The following TANC2 variants were observed in gnomAD, a reference collection of about 807,000 sequenced individuals.
The protein encoded by TANC2 is tetratricopeptide repeat, ankyrin repeat and coiled-coil containing 2, also known as protein TANC2.
Under a neutral mutation model 210.5 loss-of-function variants are expected in TANC2, and 26 were observed. That is an observed-to-expected ratio of 0.12 (90% confidence interval 0.09 to 0.17). TANC2 has a LOEUF of 0.17. TANC2 is among the 10% of genes least tolerant of loss of function. The pLI is 1.00. For missense variants in TANC2, 2,129 were observed against 2,608.9 expected, an observed-to-expected ratio of 0.82 and a Z score of 4.01; for synonymous variants, 931 against 967.1, an observed-to-expected ratio of 0.96 and a Z score of 0.69.
intron 3 of TANC2, among the ~76,000 whole-genome samples, chr17:63,076,270 C>A (rs2036569032): frequency 6.6e-6 from 1 of 152,098 alleles, no homozygotes; most frequent in Admixed American, 6.5e-5. Context: ...CTGGGAGACA[C>A]CAGGCATAGT....
intron 7 of TANC2, among the ~76,000 whole-genome samples, chr17:63,220,713 A>ATATATATATATATATATATAT (rs1302451440): frequency 2.6e-4 from 36 of 140,540 alleles, no homozygotes; most frequent in Non-Finnish European, 4.9e-4. Context: ...CAAAAAAAAA[A>ATATATATATATATATATATAT]AAAAAAATAT....
intron 5 of TANC2, among the ~76,000 whole-genome samples, chr17:63,169,867 C>T (rs1342115874): frequency 6.6e-6 from 1 of 152,006 alleles, no homozygotes; most frequent in Admixed American, 6.5e-5. Flanking sequence ...TGCGGAGGCT[C>T]ACGCCTGTAA....
At chr17:63,187,053 C>G (rs2041014158) in intron 5 of TANC2, among the ~76,000 whole-genome samples, 1 of 152,132 alleles carries the variant, frequency 6.6e-6, no homozygotes, top group Admixed American at 6.5e-5. Flanking sequence ...CTTCATATCA[C>G]CTGGATGGTC....
rs2045143891 is a variant in TANC2, at chr17:63,312,067, A to T, written c.1160-2321A>T. Among the ~76,000 whole-genome samples, 2 of 152,200 alleles carry T rather than the reference A, an allele frequency of 1.3e-5. 1 individual carries two copies. Among genetic ancestry groups the T allele is most frequent in the South Asian group, 4.1e-4 (2 of 4,828 alleles). ...AAAAACCACTGAATTGTATATTTTA[A>T]AAGAGTGAATTTTATGGTTTGTGAA... On this transcript the variant is annotated intron_variant, in intron 9 of 27. Transcript: ENST00000689528.
At chr17:63,388,822 A>C (rs2147146772) in intron 16 of TANC2, 65 bp downstream of exon 16, 1 of 1,244,872 alleles carries the variant, frequency 8.0e-7, no homozygotes, top group Non-Finnish European at 1.1e-6. Flanking sequence ...AACTAGAAGG[A>C]CATTAAGTAG....
At chr17:63,272,522 T>G (rs2043742910) in intron 9 of TANC2, among the ~76,000 whole-genome samples, 1 of 152,196 alleles carries the variant, frequency 6.6e-6, no homozygotes. Flanking sequence ...AAGAATAACA[T>G]TGAATCTTAC....
intron 7 of TANC2, among the ~76,000 whole-genome samples, chr17:63,234,079 A>C (rs186998427): frequency 4.5e-4 from 69 of 152,330 alleles, no homozygotes; most frequent in South Asian, 1.2e-3. Context: ...CTTGACCATT[A>C]TTGAAGATGC....
chr17:63,319,197 C>G, intron 11 of TANC2, 107 bp downstream of exon 11: 1 of 1,148,988 alleles, frequency 8.7e-7, no homozygotes, highest in Non-Finnish European at 1.2e-6. Context: ...TAAAGCTATA[C>G]CATGAGAACG....
intron 3 of TANC2, among the ~76,000 whole-genome samples, chr17:63,093,919 A>G (rs918319638): frequency 1.3e-5 from 2 of 151,994 alleles, no homozygotes; most frequent in Non-Finnish European, 2.9e-5. Flanking sequence ...TCCTGACTCT[A>G]TTTAGGTTTC....
Position 63,389,301 on chromosome 17 carries a change from T to C in TANC2, c.2815-7T>C, listed in dbSNP as rs754356107. 5.2e-5 allele frequency: 83 copies of C among 1,607,144 alleles called. No homozygotes were observed. The highest frequency in any genetic ancestry group is 6.5e-5 in the Non-Finnish European group (76 of 1,174,658). Reference sequence around the variant, plus strand: ...TCTAATTATTAGTTCTGTTTGTTTATTTCTAGGTCAGCCGACTGCTGATTT... The same window carrying C: ...TCTAATTATTAGTTCTGTTTGTTTACTTCTAGGTCAGCCGACTGCTGATTT... On this transcript the variant is annotated splice_region_variant and splice_polypyrimidine_tract_variant and intron_variant, in intron 16 of 27. Transcript: ENST00000689528.
intron 4 of TANC2, among the ~76,000 whole-genome samples, chr17:63,143,258 A>G (rs557574701): frequency 1.4e-3 from 214 of 152,324 alleles, no homozygotes; most frequent in South Asian, 5.8e-3. Flanking sequence ...AAGTATCCCA[A>G]TACTCTCAGA....
intron 4 of TANC2, among the ~76,000 whole-genome samples, chr17:63,124,481 T>C (rs994596372): frequency 3.3e-5 from 5 of 152,190 alleles, no homozygotes; most frequent in Admixed American, 2.6e-4. Flanking sequence ...TTAGCTGCAG[T>C]GGTCTACATT....
chr17:63,224,066 T>G (rs1186917846), intron 7 of TANC2, among the ~76,000 whole-genome samples: 1 of 152,084 alleles, frequency 6.6e-6, no homozygotes, highest in Non-Finnish European at 1.5e-5. Flanking sequence ...GTGAACTAAT[T>G]TAGATCTGAA....
intron 7 of TANC2, among the ~76,000 whole-genome samples, chr17:63,222,744 C>CACAT (rs1555610201): frequency 1.3e-5 from 2 of 151,996 alleles, no homozygotes; most frequent in African/African-American, 4.8e-5. Context: ...CACACACACA[C>CACAT]ACACATACAC....
At chr17:63,064,000 A>T (rs1370077849) in intron 2 of TANC2, among the ~76,000 whole-genome samples, 1 of 152,162 alleles carries the variant, frequency 6.6e-6, no homozygotes, top group Non-Finnish European at 1.5e-5. Flanking sequence ...TCTTCAATAT[A>T]TATATGGACA....
At chr17:63,235,278 T>C (rs1355637328) in intron 7 of TANC2, among the ~76,000 whole-genome samples, 2 of 152,174 alleles carry the variant, frequency 1.3e-5, no homozygotes, top group Non-Finnish European at 2.9e-5. Flanking sequence ...TTCTCTGCTT[T>C]CTTTTTGTTA....
intron 8 of TANC2, among the ~76,000 whole-genome samples, chr17:63,248,221 A>G (rs2042967769): frequency 6.6e-6 from 1 of 152,110 alleles, no homozygotes; most frequent in Non-Finnish European, 1.5e-5. Flanking sequence ...TAATGGGTAC[A>G]TAGAAGTGGT....
intron 7 of TANC2, among the ~76,000 whole-genome samples, chr17:63,223,305 C>T (rs2145949892): frequency 6.6e-6 from 1 of 152,238 alleles, no homozygotes; most frequent in African/African-American, 2.4e-5. Context: ...AGAAAGAGTT[C>T]AAGAGTGAGC....
intron 9 of TANC2, among the ~76,000 whole-genome samples, chr17:63,295,966 C>G (rs2044523280): frequency 6.6e-6 from 1 of 152,100 alleles, no homozygotes; most frequent in Non-Finnish European, 1.5e-5. Flanking sequence ...GCCAGCTGAT[C>G]TTTCTATTTC....
Sources: allele counts gnomAD v4.1 joint callset (sites outside exome capture counted in the v4.1 genomes callset), GRCh38; gene constraint gnomAD v4.1.1; transcripts MANE v1.5; gene names NCBI Gene and HGNC (gene_info 2026-07-23, HGNC 2026-07-21).